AP3B1: variants seen among roughly 807,000 people sequenced by gnomAD.
AP3B1 encodes adaptor related protein complex 3 subunit beta 1, also known as AP-3 complex subunit beta-1.
In AP3B1, 61 loss-of-function variants were observed where a neutral mutation model predicts 132.5. That is an observed-to-expected ratio of 0.46 (90% CI 0.37 to 0.57). The LOEUF (loss-of-function observed/expected upper bound fraction) is 0.57, where lower values mean the gene tolerates loss of function less well. Ranked by LOEUF, AP3B1 falls within the 20% of genes least tolerant of loss-of-function variation. AP3B1 has a pLI of 0.00. For missense variants in AP3B1, 1,120 were observed against 1,289.4 expected, an observed-to-expected ratio of 0.87 and a Z score of 2.01; for synonymous variants, 388 against 438.3, an observed-to-expected ratio of 0.89 and a Z score of 1.43.
intron 24 of AP3B1, among the ~76,000 whole-genome samples, chr5:78,028,527 T>C (rs539425294): frequency 6.6e-6 from 1 of 152,334 alleles, no homozygotes; most frequent in African/African-American, 2.4e-5. Flanking sequence ...CCTTTCTGTA[T>C]TGGCTGGAAC....
chr5:78,138,860 C>T (rs1392886563), intron 15 of AP3B1, among the ~76,000 whole-genome samples: 1 of 150,814 alleles, frequency 6.6e-6, no homozygotes, highest in Non-Finnish European at 1.5e-5. Context: ...ATCCCAGCTA[C>T]TCAGTGGGCT....
intron 1 of AP3B1, among the ~76,000 whole-genome samples, chr5:78,279,507 GA>G (rs35104640): frequency 0.23 from 34,263 of 151,890 alleles, 4,525 homozygotes; most frequent in Middle Eastern, 0.31. Flanking sequence ...TAAAACCAGG[GA>G]ATGGCAAAGC....
chr5:78,169,272 A>T (rs1743801689), intron 11 of AP3B1, among the ~76,000 whole-genome samples: 1 of 152,036 alleles, frequency 6.6e-6, no homozygotes, highest in Admixed American at 6.6e-5. Flanking sequence ...ACCTACTCTA[A>T]CCCTTCGACC....
intron 7 of AP3B1, among the ~76,000 whole-genome samples, chr5:78,200,854 C>G (rs929504532): frequency 6.6e-6 from 1 of 152,056 alleles, no homozygotes; most frequent in South Asian, 2.1e-4. Flanking sequence ...CCAAACTGTG[C>G]CCCCCAACCC....
At position 78,017,275 on chromosome 5, in the gene AP3B1, T is replaced by C. The variant is rs559095396; in HGVS notation, c.2993-1727A>G. On this transcript the variant is annotated intron_variant, in intron 25 of 26. Transcript: ENST00000255194. Reference sequence around the variant, plus strand: ...ATTGGCATAAAGCAAAGTAACATCCTATCAAGGCACACATTCAATCTGCCT... The same window carrying C: ...ATTGGCATAAAGCAAAGTAACATCCCATCAAGGCACACATTCAATCTGCCT... Among the ~76,000 whole-genome samples the C allele has an allele frequency of 2.6e-5, 4 of 152,200 alleles. No individual in the cohort carries two copies. In the South Asian group the frequency reaches 8.3e-4, roughly 32 times the overall value.
intron 1 of AP3B1, among the ~76,000 whole-genome samples, chr5:78,275,914 T>C (rs2112574652): frequency 6.6e-6 from 1 of 152,302 alleles, no homozygotes; most frequent in East Asian, 1.9e-4. Flanking sequence ...AACTGCAGAA[T>C]AAACATTCTT....
rs575976353 is a variant in AP3B1, at chr5:78,002,614, C to T, written c.*288G>A. On this transcript the variant is annotated 3_prime_UTR_variant, in exon 27 of 27. Transcript: ENST00000255194. ...CCATTGTCGAAAAAGAGAAGGAAAA[C>T]GAGGAGGCCAAAAGAAGCAGCAGGA... 1.7e-4 allele frequency: 98 copies of T among 569,770 alleles called. No individual in the cohort carries two copies. The highest frequency in any genetic ancestry group is 5.8e-4 in the Admixed American group (18 of 31,224). The allele number at this position is 569,770 out of a possible 1,614,324, so 35.3% of individuals were successfully genotyped here. A position where few individuals can be genotyped will look rare whatever the true frequency, so the allele number is the denominator to read the frequency against.
chr5:78,280,882 C>A (rs1749020094), intron 1 of AP3B1, among the ~76,000 whole-genome samples: 1 of 152,158 alleles, frequency 6.6e-6, no homozygotes, highest in Non-Finnish European at 1.5e-5. Context: ...CAGTTCTAGA[C>A]ATCTGTAGCA....
intron 21 of AP3B1, among the ~76,000 whole-genome samples, chr5:78,096,522 T>A (rs1750793595): frequency 6.8e-6 from 1 of 146,660 alleles, no homozygotes; most frequent in African/African-American, 2.6e-5. Flanking sequence ...GTCTGGAAAG[T>A]GAGGAGCGTC....
At chr5:78,246,014 A>G (rs1242923150) in intron 2 of AP3B1, among the ~76,000 whole-genome samples, 2 of 152,176 alleles carry the variant, frequency 1.3e-5, no homozygotes, top group Non-Finnish European at 2.9e-5. Context: ...AGGAGATAAC[A>G]TAAGGTCATT....
At chr5:78,278,985 G>A (rs373401756) in intron 1 of AP3B1, among the ~76,000 whole-genome samples, 15 of 152,184 alleles carry the variant, frequency 9.9e-5, no homozygotes, top group African/African-American at 3.6e-4. Flanking sequence ...AGGTCCCTGG[G>A]TACTGCTGGT....
chr5:78,094,393 A>AATT (rs1245485199), intron 21 of AP3B1, among the ~76,000 whole-genome samples: 1 of 152,250 alleles, frequency 6.6e-6, no homozygotes, highest in African/African-American at 2.4e-5. Context: ...TCTTTAAAAA[A>AATT]ATTACAAATG....
intron 26 of AP3B1, among the ~76,000 whole-genome samples, chr5:78,006,286 C>A (rs1378323112): frequency 6.6e-6 from 1 of 152,142 alleles, no homozygotes; most frequent in Non-Finnish European, 1.5e-5. Context: ...CCAGGTCACA[C>A]AAATTATCTT....
At chr5:78,060,523 C>T (rs918218575) in intron 22 of AP3B1, among the ~76,000 whole-genome samples, 8 of 152,144 alleles carry the variant, frequency 5.3e-5, no homozygotes, top group African/African-American at 9.7e-5. Flanking sequence ...AATGTTTTCT[C>T]TGTGTATTTG....
At chr5:78,194,010 G>T (rs574254392) in intron 7 of AP3B1, among the ~76,000 whole-genome samples, 1 of 151,364 alleles carries the variant, frequency 6.6e-6, no homozygotes, top group African/African-American at 2.4e-5. Flanking sequence ...CTCATAATCC[G>T]CCCACCTCAG....
chr5:78,258,348 TG>T (rs1747936231), intron 2 of AP3B1, among the ~76,000 whole-genome samples: 1 of 152,112 alleles, frequency 6.6e-6, no homozygotes, highest in South Asian at 2.1e-4. Context: ...GGGCAAGATT[TG>T]ATCAAATGAT....
chr5:78,242,995 T>C (rs1280383166), intron 2 of AP3B1, among the ~76,000 whole-genome samples: 1 of 152,220 alleles, frequency 6.6e-6, no homozygotes, highest in Non-Finnish European at 1.5e-5. Flanking sequence ...GTTATATAAA[T>C]ATGTGATACT....
chr5:78,168,219 C>CT (rs535444476), intron 11 of AP3B1, among the ~76,000 whole-genome samples: 5 of 142,716 alleles, frequency 3.5e-5, no homozygotes, highest in African/African-American at 1.1e-4. Context: ...CAACTTTTTT[C>CT]TTTTTTCTTT....
At chr5:78,129,494 C>T (rs996519690) in intron 15 of AP3B1, among the ~76,000 whole-genome samples, 187 bp from the exon 16 acceptor site, 8 of 151,950 alleles carry the variant, frequency 5.3e-5, no homozygotes, top group African/African-American at 1.7e-4. Context: ...CTCTTCTGTA[C>T]TGGGTAGGTG....
Sources: allele counts gnomAD v4.1 joint callset (sites outside exome capture counted in the v4.1 genomes callset), GRCh38; gene constraint gnomAD v4.1.1; transcripts MANE v1.5; gene names NCBI Gene and HGNC (gene_info 2026-07-23, HGNC 2026-07-21).